SEC14L3: variants seen among roughly 807,000 people sequenced by gnomAD.
The protein encoded by SEC14L3 is SEC14-like protein 3.
In SEC14L3, 56 loss-of-function variants were observed where a neutral mutation model predicts 57.4. The ratio of observed to expected loss-of-function variants is 0.97; its 90% CI spans 0.79 to 1.22. SEC14L3 has a LOEUF of 1.22. Ranked by LOEUF, SEC14L3 falls within the 50% of genes most tolerant of loss-of-function variation. The pLI, the probability that SEC14L3 is intolerant of heterozygous loss-of-function variation, is 0.00. For synonymous variants in SEC14L3, 173 were observed against 194.4 expected (o/e 0.89, Z 0.92); for missense variants, 485 against 511.7 (o/e 0.95, Z 0.50).
downstream of SEC14L3, among the ~76,000 whole-genome samples, chr22:30,458,735 G>T (rs1049956659): frequency 6.6e-6 from 1 of 152,168 alleles, no homozygotes; most frequent in African/African-American, 2.4e-5. Flanking sequence ...AACAGGCCAG[G>T]CATGGTGGCT....
At chr22:30,454,212 G>A (rs950449032) in intron 12 of SEC14L3, among the ~76,000 whole-genome samples, 3 of 151,866 alleles carry the variant, frequency 2.0e-5, no homozygotes, top group African/African-American at 7.3e-5. Context: ...GCCTTCACTG[G>A]TGTCACTCTG....
At chr22:30,466,959 G>A in intron 6 of SEC14L3, 23 bp downstream of exon 6, 7 of 1,600,176 alleles carry the variant, frequency 4.4e-6, no homozygotes, top group Non-Finnish European at 6.0e-6. Context: ...CAAGCGGGGG[G>A]TGGCCCTAGG....
At chr22:30,447,822 G>C (rs1465225), downstream of SEC14L3, 53,987 of 152,066 alleles carry the variant, frequency 0.36, 10,170 homozygotes, top group South Asian at 0.55. Context: ...CGCTGGAAGA[G>C]GACTGTGGAA....
At position 30,472,004 on chromosome 22, in the gene SEC14L3, G is replaced by C; in HGVS notation, c.-46C>G. ...GAGTGGTGGCCACTATAGGCAAGAG[G>C]CCAAGCCTAGTTTGTCAGCCCTGAC... On this transcript the variant is annotated 5_prime_UTR_variant, in exon 1 of 12. Coordinates refer to ENST00000215812, the MANE Select transcript of SEC14L3 (RefSeq NM_174975.5). 1 of 1,537,854 alleles carries C rather than the reference G, an allele frequency of 6.5e-7. No individual in the cohort carries two copies. Among genetic ancestry groups the C allele is most frequent in the Non-Finnish European group, 8.7e-7 (1 of 1,142,924 alleles).
chr22:30,452,920 G>A (rs530729208), intron 12 of SEC14L3, among the ~76,000 whole-genome samples: 2 of 151,902 alleles, frequency 1.3e-5, no homozygotes, highest in South Asian at 2.1e-4. Flanking sequence ...TTTTCACCAC[G>A]TTGCTCAGGT....
downstream of SEC14L3, among the ~76,000 whole-genome samples, chr22:30,454,900 TATATA>T (rs1457180961): frequency 1.1e-3 from 45 of 42,676 alleles, no homozygotes; most frequent in African/African-American, 4.5e-3. Context: ...ATATAATAGA[TATATA>T]ATATATTATT....
At chr22:30,449,062 G>A in exon 13 of SEC14L3, 5 of 1,549,234 alleles carry the variant, frequency 3.2e-6, no homozygotes, top group Non-Finnish European at 4.4e-6. Context: ...CTTACACACA[G>A]GCCAGTTACT....
chr22:30,464,809 G>T lies in SEC14L3; in HGVS notation c.664+11C>A. The T allele has an allele frequency of 6.2e-7, 1 of 1,613,472 alleles. No homozygotes were observed. Among genetic ancestry groups the T allele is most frequent in the Non-Finnish European group, 8.5e-7 (1 of 1,179,442 alleles). ...GTATAGAGGTCAGGAAATTGAGCTG[G>T]CACTACTTACTTCCCAACACAATAA... On this transcript the variant is annotated intron_variant, in intron 8 of 11. Transcript: ENST00000215812.
At chr22:30,468,176 G>A (rs977804132) in intron 5 of SEC14L3, among the ~76,000 whole-genome samples, 3 of 152,050 alleles carry the variant, frequency 2.0e-5, no homozygotes, top group Non-Finnish European at 2.9e-5. Context: ...CTACTCAGGA[G>A]GCCGAGGCAG....
chr22:30,464,976 C>A (rs1935374566), intron 7 of SEC14L3, 73 bp from the exon 8 acceptor site: 14 of 1,603,636 alleles, frequency 8.7e-6, no homozygotes, highest in African/African-American at 1.3e-5. Context: ...ATGGTTATAG[C>A]CAATGATACA....
Position 30,461,484 on chromosome 22 carries a change from CAG to C in SEC14L3, c.912-7_912-6del. 1 of 1,613,082 alleles carries C rather than the reference CAG, an allele frequency of 6.2e-7. No individual in the cohort carries two copies. Among genetic ancestry groups the C allele is most frequent in the Non-Finnish European group, 8.5e-7 (1 of 1,179,402 alleles). ...CCATCAGATGAGAACTGCCACCTGTCAGGGGGAGGGGGAGGAGACAGGTTGCT... is the reference window on the plus strand; with the variant it reads ...CCATCAGATGAGAACTGCCACCTGTCGGGGAGGGGGAGGAGACAGGTTGCT... On this transcript the variant is annotated splice_region_variant and splice_polypyrimidine_tract_variant and intron_variant, in intron 10 of 11. Transcript: ENST00000215812.
chr22:30,450,592 C>T (rs1278155796), intron 12 of SEC14L3, among the ~76,000 whole-genome samples: 1 of 152,256 alleles, frequency 6.6e-6, no homozygotes, highest in Non-Finnish European at 1.5e-5. Context: ...CATGAGCTCC[C>T]GTGTCTGGCT....
Position 30,468,596 on chromosome 22 carries a change from A to G in SEC14L3, c.335T>C (p.Leu112Pro), listed in dbSNP as rs1216705854. The part of the protein sequence containing the change: ...IIGPLDPKGL[L>P]FSVTKQDLLK... The stretch of plus-strand genomic sequence containing the variant: ...CAGGTCCTGCTTGGTGACTGAGAAG[A>G]GCAACCCCTTGGGATCAAGTGGCCC... Residue 112 changes from leucine (L) to proline (P), a missense_variant, in exon 5 of 12, where the codon CTC (leucine) becomes CCC (proline). By Grantham distance (98) the Leu-to-Pro change is moderately conservative. Transcript: ENST00000215812. The G allele has an allele frequency of 6.2e-7, 1 of 1,613,812 alleles. No individual in the cohort carries two copies. Among genetic ancestry groups the G allele is most frequent in the Non-Finnish European group, 8.5e-7 (1 of 1,180,028 alleles).
intron 11 of SEC14L3, 36 bp from the exon 12 acceptor site, chr22:30,460,178 G>A: frequency 6.2e-7 from 1 of 1,605,324 alleles, no homozygotes; most frequent in Non-Finnish European, 8.5e-7. Flanking sequence ...ATTGGGCTTG[G>A]CTTTACACAC....
At chr22:30,452,050 A>T (rs1429172655) in intron 12 of SEC14L3, among the ~76,000 whole-genome samples, 1 of 150,690 alleles carries the variant, frequency 6.6e-6, no homozygotes, top group Non-Finnish European at 1.5e-5. Flanking sequence ...AGAAGAAAGG[A>T]AAAGAAAAAT....
At chr22:30,459,008 C>T (rs901992701), downstream of SEC14L3, among the ~76,000 whole-genome samples, 10 of 152,172 alleles carry the variant, frequency 6.6e-5, 1 homozygote, top group African/African-American at 2.2e-4. Context: ...GACCCTGTCT[C>T]AAAAAACAAA....
chr22:30,456,123 A>G (rs1486283726), downstream of SEC14L3, among the ~76,000 whole-genome samples: 1 of 151,940 alleles, frequency 6.6e-6, no homozygotes, highest in Non-Finnish European at 1.5e-5. Context: ...ACATGGTGAA[A>G]CTCCATCTCT....
intron 4 of SEC14L3, 152 bp downstream of exon 4, chr22:30,469,867 C>A: frequency 1.6e-6 from 1 of 626,170 alleles, no homozygotes; most frequent in East Asian, 2.7e-5. Flanking sequence ...CTTGCAAGCC[C>A]CCAGGAAACA....
chr22:30,450,028 C>T (rs1934951287), intron 12 of SEC14L3, among the ~76,000 whole-genome samples: 2 of 152,086 alleles, frequency 1.3e-5, no homozygotes, highest in Admixed American at 6.5e-5. Flanking sequence ...GGTCCCTCCC[C>T]GCTACTGCTG....
Sources: allele counts gnomAD v4.1 joint callset (sites outside exome capture counted in the v4.1 genomes callset), GRCh38; gene constraint gnomAD v4.1.1; transcripts MANE v1.5; gene names NCBI Gene and HGNC (gene_info 2026-07-23, HGNC 2026-07-21).